Variants in AMY2B observed in about 807,000 individuals in gnomAD.
AMY2B encodes amylase alpha 2B, also known as alpha-amylase 2B.
A neutral mutation model predicts 59.3 loss-of-function variants in AMY2B; 63 were observed. The observed-to-expected ratio is 1.06, with a 90% CI of 0.87 to 1.31. The LOEUF (loss-of-function observed/expected upper bound fraction) is 1.31. Among genes scored for constraint, AMY2B ranks in the 50% most tolerant of loss-of-function variants. The probability of loss-of-function intolerance (pLI) is 0.00; values close to 1 mark genes in which losing one functional copy is unlikely to be tolerated. For synonymous variants in AMY2B, 180 were observed against 198.1 expected (o/e 0.91, Z 0.77); for missense variants, 635 against 626.7 (o/e 1.01, Z -0.14).
At chr1:103,576,293 G>T (rs1051522401) in intron 7 of AMY2B, among the ~76,000 whole-genome samples, 2 of 152,054 alleles carry the variant, frequency 1.3e-5, no homozygotes, top group Non-Finnish European at 2.9e-5. Flanking sequence ...GCTTTTTTTA[G>T]ATTCCTTTCA....
Position 103,574,211 on chromosome 1 carries a change from G to A in AMY2B, c.745-49G>A, listed in dbSNP as rs1235033029. 4 of 1,611,028 alleles carry A rather than the reference G, an allele frequency of 2.5e-6. No individual in the cohort carries two copies. In the East Asian group the frequency reaches 6.7e-5, roughly 27 times the overall value. ...ATAATATTAACTTATTGGTTAAAAT[G>A]CTTTAAAGTCCTTATGCAAAATGTT... is the stretch of plus-strand genomic sequence containing the variant. On this transcript the variant is annotated intron_variant, in intron 4 of 9. Transcript: ENST00000684275.
intron 2 of AMY2B, among the ~76,000 whole-genome samples, chr1:103,566,260 A>G (rs77729677): frequency 0.041 from 6,243 of 151,874 alleles, 7 homozygotes; most frequent in Middle Eastern, 0.13. Context: ...CCCTCTTAAA[A>G]CTATGTTCAT....
At chr1:103,559,785 C>T (rs552169393) in intron 1 of AMY2B, among the ~76,000 whole-genome samples, 1 of 151,962 alleles carries the variant, frequency 6.6e-6, no homozygotes, top group African/African-American at 2.4e-5. Context: ...AAAATCAGAG[C>T]GATAATATTT....
chr1:103,558,348 A>T (rs993711236), intron 1 of AMY2B, among the ~76,000 whole-genome samples: 2 of 152,202 alleles, frequency 1.3e-5, no homozygotes, highest in African/African-American at 4.8e-5. Context: ...AGAATAACCT[A>T]TTCTGTCCTG....
chr1:103,575,060 G>GTATATATA (rs59615316), intron 5 of AMY2B, among the ~76,000 whole-genome samples, 163 bp from the exon 6 acceptor site: 1 of 143,626 alleles, frequency 7.0e-6, no homozygotes, highest in East Asian at 2.0e-4. Context: ...GTGTGTGTAT[G>GTATATATA]TATATATATA....
At chr1:103,578,525 A>G (rs1276225637) in intron 9 of AMY2B, among the ~76,000 whole-genome samples, 883 of 152,088 alleles carry the variant, frequency 5.8e-3, no homozygotes, top group African/African-American at 0.021. Flanking sequence ...CTCTGTCCAA[A>G]GCCAACTGAT....
At chr1:103,570,531 A>G (rs1402418126), upstream of AMY2B, 1 of 616,324 alleles carries the variant, frequency 1.6e-6, no homozygotes, top group Admixed American at 1.9e-5. Flanking sequence ...GAAGATCAAG[A>G]TGATCGCATC....
chr1:103,570,413 C>T, upstream of AMY2B: 1 of 872,926 alleles, frequency 1.1e-6, no homozygotes, highest in South Asian at 1.3e-5. Flanking sequence ...GTGACGTGGA[C>T]ATCCGCAAAG....
chr1:103,575,365 A>T lies in AMY2B; in HGVS notation c.1001+20A>T. The T allele has an allele frequency of 6.2e-7, 1 of 1,612,444 alleles. No individual in the cohort carries two copies. The highest frequency in any genetic ancestry group is 8.5e-7 in the Non-Finnish European group (1 of 1,179,330). On this transcript the variant is annotated intron_variant, in intron 6 of 9. Transcript: ENST00000684275. Reference sequence around the variant, plus strand: ...TGCTAGGTAGAAAACCAAGTTCTCTATTTTTTTTAACACATCTTTTAATGA... The same window carrying T: ...TGCTAGGTAGAAAACCAAGTTCTCTTTTTTTTTTAACACATCTTTTAATGA...
intron 1 of AMY2B, 128 bp downstream of exon 1, chr1:103,571,898 A>T (rs1205946945): frequency 1.3e-6 from 2 of 1,584,914 alleles, no homozygotes; most frequent in Non-Finnish European, 1.7e-6. Flanking sequence ...GAGTTTTCTG[A>T]GGAAAAAACA....
upstream of AMY2B, chr1:103,569,145 A>G (rs903936133): frequency 2.0e-5 from 3 of 151,922 alleles, no homozygotes; most frequent in Non-Finnish European, 4.4e-5. Context: ...AATTTCAGTT[A>G]CCTCCTACCA....
upstream of AMY2B, chr1:103,568,292 A>G (rs181934864): frequency 1.3e-5 from 2 of 152,290 alleles, no homozygotes; most frequent in Admixed American, 6.5e-5. Flanking sequence ...ACTCCCTTTC[A>G]TAGCATTTCA....
chr1:103,569,519 G>C, upstream of AMY2B: 1 of 272,816 alleles, frequency 3.7e-6, no homozygotes, highest in Non-Finnish European at 7.6e-6. Flanking sequence ...ATGTTGTCCT[G>C]CCGCTCCACT....
Position 103,575,548 on chromosome 1 carries a change from T to C in AMY2B, c.1101+8T>C, listed in dbSNP as rs1344363853. The C allele has an allele frequency of 3.1e-6, 5 of 1,613,404 alleles. No individual in the cohort carries two copies. Among genetic ancestry groups the C allele is most frequent in the East Asian group, 2.2e-5 (1 of 44,840 alleles). On this transcript the variant is annotated splice_region_variant and intron_variant, in intron 7 of 9. Transcript: ENST00000684275. ...CAGTTTCAAAATGGAAACGTAAGTT[T>C]TGAAATTGTTCAAACTATCCTTTTC...
chr1:103,577,991 G>A, intron 9 of AMY2B, 146 bp downstream of exon 9: 2 of 1,499,482 alleles, frequency 1.3e-6, no homozygotes, highest in Non-Finnish European at 1.8e-6. Context: ...TTGGGCAGAA[G>A]TAAAAAGATG....
Position 103,574,258 on chromosome 1 carries a change from A to T in AMY2B, c.745-2A>T, listed in dbSNP as rs771256614. On this transcript the variant is annotated splice_acceptor_variant, in intron 4 of 9. Coordinates refer to ENST00000684275, the MANE Select transcript of AMY2B (RefSeq NM_001387437.1). LOFTEE classifies it high-confidence loss of function. ...TGTTACTTTTTCCTAATTTTCTACT[A>T]GGTAATTGATCTGGGTGGTGAGCCA... The T allele has an allele frequency of 2.5e-6, 4 of 1,611,638 alleles. No individual in the cohort carries two copies. The African/African-American group carries it at 5.3e-5, about 22-fold the overall frequency.
At chr1:103,555,460 G>T (rs1377109953) in intron 1 of AMY2B, among the ~76,000 whole-genome samples, 1 of 151,702 alleles carries the variant, frequency 6.6e-6, no homozygotes, top group Non-Finnish European at 1.5e-5. Flanking sequence ...TGGGCTTTTG[G>T]TTTTTTGGAA....
chr1:103,579,172 A>G (rs1285746060), intron 9 of AMY2B, 139 bp from the exon 10 acceptor site: 2 of 1,531,664 alleles, frequency 1.3e-6, no homozygotes, highest in Non-Finnish European at 1.8e-6. Context: ...TACAACTACT[A>G]GGGAGGCATA....
chr1:103,559,430 A>C (rs1418213231), intron 1 of AMY2B, among the ~76,000 whole-genome samples: 1 of 152,188 alleles, frequency 6.6e-6, no homozygotes, highest in African/African-American at 2.4e-5. Context: ...TCTTCAGAAC[A>C]TACTCCTGTC....
Sources: gnomAD v4.1 joint callset for allele counts (sites outside exome capture counted in the v4.1 genomes callset) on GRCh38, gnomAD v4.1.1 for gene constraint, MANE v1.5 for transcripts, NCBI Gene and HGNC (gene_info 2026-07-23, HGNC 2026-07-21) for gene names.